WDR4: variants seen among roughly 807,000 people sequenced by gnomAD.
WDR4 encodes tRNA (guanine-N(7)-)-methyltransferase non-catalytic subunit WDR4.
In WDR4, 47 loss-of-function variants were observed where a neutral mutation model predicts 48.6. The ratio of observed to expected loss-of-function variants is 0.97; its 90% CI spans 0.77 to 1.23. The LOEUF is 1.23. Ranked by LOEUF, WDR4 falls within the 50% of genes most tolerant of loss-of-function variation. WDR4 has a pLI of 0.00. For missense variants in WDR4, 606 were observed against 551.6 expected (o/e 1.10, Z -0.99); for synonymous variants, 268 against 230.0 (o/e 1.17, Z -1.49).
intron 6 of WDR4, 104 bp downstream of exon 6, chr21:42,859,558 C>CCAGGGCCAGCGATCCA: frequency 1.2e-6 from 1 of 820,430 alleles, no homozygotes; most frequent in Non-Finnish European, 1.9e-6. Context: ...CCACAGCCAG[C>CCAGGGCCAGCGATCCA]CAGGGGCCAG....
At chr21:42,850,554 C>T (rs941776170) in intron 10 of WDR4, among the ~76,000 whole-genome samples, 1 of 152,206 alleles carries the variant, frequency 6.6e-6, no homozygotes, top group Non-Finnish European at 1.5e-5. Context: ...ACTACTGCAC[C>T]ATGAGCCGCC....
In WDR4 at chr21:42,878,934, A is replaced by C. The variant is rs534749008; in HGVS notation, c.89+473T>G. The C allele has an allele frequency of 5.1e-6, 5 of 986,868 alleles. No individual in the cohort carries two copies. The Admixed American group carries it at 3.1e-4, about 60-fold the overall frequency. 61.1% of individuals were successfully genotyped at this position (986,868 alleles called of 1,614,324 possible). On this transcript the variant is annotated intron_variant, in intron 1 of 10. Transcript: ENST00000398208. ...AGAGGGAACAGACAACCCTGCAAAA[A>C]GAGGGAGCGCGCTTGGAGGTCAGTG...
intron 6 of WDR4, among the ~76,000 whole-genome samples, chr21:42,859,460 C>A (rs1032546858): frequency 6.6e-6 from 1 of 152,134 alleles, no homozygotes; most frequent in Non-Finnish European, 1.5e-5. Flanking sequence ...CGAACACACA[C>A]GCACCTACGC....
chr21:42,874,864 T>A (rs1190111105), intron 2 of WDR4, among the ~76,000 whole-genome samples: 1 of 152,112 alleles, frequency 6.6e-6, no homozygotes, highest in Non-Finnish European at 1.5e-5. Flanking sequence ...CTGCCTCCAT[T>A]TGCCTCGTGA....
In WDR4 at chr21:42,873,501, G is replaced by C. The variant is rs757107834; in HGVS notation, c.296+50C>G. 2.5e-6 allele frequency: 4 copies of C among 1,606,576 alleles called. No individual in the cohort carries two copies. In the East Asian group the frequency reaches 6.7e-5, roughly 27 times the overall value. ...GTCACTATTGCTACAGGCATGCAAG[G>C]ATAAGGTGTGCATTCGACATCTTAA... is the stretch of plus-strand genomic sequence containing the variant. On this transcript the variant is annotated intron_variant, in intron 3 of 10. Coordinates refer to ENST00000398208, the MANE Select transcript of WDR4 (RefSeq NM_018669.6).
At position 42,849,335 on chromosome 21, in the gene WDR4, T is replaced by C. The variant is rs558580222; in HGVS notation, c.*714A>G. 5.9e-5 allele frequency: 9 copies of C among 152,398 alleles called. No homozygotes were observed. The highest frequency in any genetic ancestry group is 1.9e-4 in the African/African-American group (8 of 41,540). 9.4% of individuals were successfully genotyped at this position (152,398 alleles called of 1,614,324 possible). A position where few individuals can be genotyped will look rare whatever the true frequency, so the allele number is the denominator to read the frequency against. On this transcript the variant is annotated 3_prime_UTR_variant, in exon 11 of 11. Coordinates refer to ENST00000398208, the MANE Select transcript of WDR4 (RefSeq NM_018669.6). Reference sequence around the variant, plus strand: ...CAGCAACATCCCTGTGGCTCTGCAGTGTGTGCCAAGGTCAAATCAAATCAT... The same window carrying C: ...CAGCAACATCCCTGTGGCTCTGCAGCGTGTGCCAAGGTCAAATCAAATCAT...
chr21:42,862,511 G>C lies in WDR4; in HGVS notation c.454-117C>G, dbSNP rs1044927448. 1.7e-5 allele frequency: 15 copies of C among 894,060 alleles called. No homozygotes were observed. The highest frequency in any genetic ancestry group is 6.7e-5 in the Admixed American group (3 of 44,946). 55.4% of individuals were successfully genotyped at this position (894,060 alleles called of 1,614,324 possible). A position where few individuals can be genotyped will look rare whatever the true frequency, so the allele number is the denominator to read the frequency against. ...TGGCCGCCAAGAGGATGAGGCCTTC[G>C]AGGACAGACCAGCGTGGCTCCTCCC... On this transcript the variant is annotated intron_variant, in intron 4 of 10. Coordinates refer to ENST00000398208, the MANE Select transcript of WDR4 (RefSeq NM_018669.6). The surrounding 1 kb of genome is among the most constrained non-coding windows in gnomAD (Gnocchi z 4.3).
chr21:42,890,656 G>A, the WDR4 span, among the ~76,000 whole-genome samples: 22 of 152,342 alleles, frequency 1.4e-4, 1 homozygote, highest in South Asian at 2.1e-3. Flanking sequence ...TTAAGGTTTT[G>A]TGTTAAAATG....
intron 1 of WDR4, chr21:42,878,894 G>C (rs2058562388): frequency 1.1e-6 from 1 of 931,912 alleles, no homozygotes; most frequent in Non-Finnish European, 1.3e-6. Flanking sequence ...CCAGGTGAGT[G>C]GATGCAGGCC....
chr21:42,880,371 C>T (rs906104073), upstream of WDR4, among the ~76,000 whole-genome samples: 2 of 152,150 alleles, frequency 1.3e-5, no homozygotes, highest in African/African-American at 2.4e-5. Flanking sequence ...TAGGATCTCA[C>T]GGTCTGTTTT....
At chr21:42,870,860 C>T (rs946775753) in intron 3 of WDR4, among the ~76,000 whole-genome samples, 4 of 152,114 alleles carry the variant, frequency 2.6e-5, no homozygotes, top group African/African-American at 9.7e-5. Context: ...AGTCCAAGCC[C>T]CCTTTGAGAA....
chr21:42,845,118 G>A (rs143764308), downstream of WDR4, among the ~76,000 whole-genome samples: 7 of 152,322 alleles, frequency 4.6e-5, no homozygotes, highest in Middle Eastern at 0.01. Context: ...ATATCTGCAC[G>A]TGCACATACA....
At chr21:42,853,441 C>T in intron 9 of WDR4, 128 bp downstream of exon 9, 1 of 1,122,048 alleles carries the variant, frequency 8.9e-7, no homozygotes, top group Non-Finnish European at 1.2e-6. Flanking sequence ...GGACACAGAC[C>T]CTGGGCCCCA....
At chr21:42,861,927 TAA>T (rs2146043205) in intron 5 of WDR4, among the ~76,000 whole-genome samples, 1 of 152,194 alleles carries the variant, frequency 6.6e-6, no homozygotes, top group African/African-American at 2.4e-5. Flanking sequence ...CTGAAATCAC[TAA>T]AGTTCATCCT....
chr21:42,866,391 G>A (rs185429502), intron 3 of WDR4, among the ~76,000 whole-genome samples: 1 of 152,214 alleles, frequency 6.6e-6, no homozygotes, highest in African/African-American at 2.4e-5. Flanking sequence ...CTAGGGTCTC[G>A]CCCAGCTCAG....
At chr21:42,863,726 G>T in intron 3 of WDR4, 130 bp from the exon 4 acceptor site, 1 of 1,065,136 alleles carries the variant, frequency 9.4e-7, no homozygotes, top group Non-Finnish European at 1.3e-6. Context: ...GCTGCTGAAG[G>T]TGGTGCCAAA....
intron 3 of WDR4, among the ~76,000 whole-genome samples, chr21:42,864,741 C>A (rs1464119920): frequency 6.6e-6 from 1 of 152,224 alleles, no homozygotes; most frequent in African/African-American, 2.4e-5. Flanking sequence ...GGCTACACTA[C>A]TTCCTGGGGC....
chr21:42,861,575 T>C (rs2058118334), intron 5 of WDR4, among the ~76,000 whole-genome samples: 1 of 152,026 alleles, frequency 6.6e-6, no homozygotes, highest in Non-Finnish European at 1.5e-5. Flanking sequence ...ACTCCAGAGC[T>C]GGATCACTAG....
intron 6 of WDR4, among the ~76,000 whole-genome samples, chr21:42,856,884 TACGA>T (rs1173420407): frequency 1.3e-5 from 2 of 151,822 alleles, no homozygotes; most frequent in East Asian, 3.9e-4. Context: ...CAAACCTCTC[TACGA>T]AGACAAGAAA....
Sources: gnomAD v4.1 joint callset for allele counts (sites outside exome capture counted in the v4.1 genomes callset) on GRCh38, gnomAD v4.1.1 for gene constraint, Gnocchi (gnomAD v3.1) non-coding constraint, MANE v1.5 for transcripts, NCBI Gene and HGNC (gene_info 2026-07-23, HGNC 2026-07-21) for gene names.